LCP1: variants seen among roughly 807,000 people sequenced by gnomAD.
LCP1 encodes the protein lymphocyte cytosolic protein 1.
Under a neutral mutation model 72.0 loss-of-function variants are expected in LCP1, and 23 were observed. The observed-to-expected ratio is 0.32, with a 90% CI of 0.23 to 0.45. LCP1 has a LOEUF of 0.45. LCP1 is among the 20% of genes least tolerant of loss of function. LCP1 has a pLI of 1.00. For missense variants in LCP1, 571 were observed against 748.3 expected (o/e 0.76, Z 2.76); for synonymous variants, 245 against 275.4 (o/e 0.89, Z 1.09).
In LCP1 at chr13:46,148,255, G is replaced by A. The variant is rs13378812; in HGVS notation, c.978+97C>T. The A allele has an allele frequency of 2.8e-3, 2,316 of 823,106 alleles. 81 individuals carry two copies. In the South Asian group the frequency reaches 0.036, roughly 13 times the overall value. The allele number at this position is 823,106 out of a possible 1,614,324, so 51.0% of individuals were successfully genotyped here. A position where few individuals can be genotyped will look rare whatever the true frequency, so the allele number is the denominator to read the frequency against. ...ACAGGGCTTTAGGCAGAAATGCCCAGTCATGGAACTCCAGAATCAGGGCCA... is the reference window on the plus strand; with the variant it reads ...ACAGGGCTTTAGGCAGAAATGCCCAATCATGGAACTCCAGAATCAGGGCCA... On this transcript the variant is annotated intron_variant, in intron 9 of 15. Coordinates refer to ENST00000323076, the MANE Select transcript of LCP1 (RefSeq NM_002298.5).
chr13:46,143,145 T>C, intron 12 of LCP1, 145 bp downstream of exon 12: 1 of 590,124 alleles, frequency 1.7e-6, no homozygotes, highest in Non-Finnish European at 3.1e-6. Context: ...AATAAAGCTG[T>C]TCAGGTTTCT....
chr13:46,179,316 T>C lies in LCP1; in HGVS notation c.-25+2795A>G, dbSNP rs1367636272. The stretch of plus-strand genomic sequence containing the variant: ...TTCATAGCAATAAATGGAAACTCAG[T>C]AAATATTAAGTTAATAAGTACAATC... On this transcript the variant is annotated intron_variant, in intron 1 of 15. Transcript: ENST00000323076. 2.6e-5 allele frequency among the ~76,000 whole-genome samples: 4 copies of C among 152,278 alleles called. No individual in the cohort carries two copies. The East Asian group carries it at 7.7e-4, about 29-fold the overall frequency.
At chr13:46,158,416 A>G in intron 4 of LCP1, 106 bp downstream of exon 4, 1 of 1,318,264 alleles carries the variant, frequency 7.6e-7, no homozygotes, top group South Asian at 1.4e-5. Context: ...GGAGTCATCC[A>G]TAAAGCTGTG....
At chr13:46,137,026 A>T (rs953875733) in intron 13 of LCP1, among the ~76,000 whole-genome samples, 1 of 152,174 alleles carries the variant, frequency 6.6e-6, no homozygotes, top group South Asian at 2.1e-4. Flanking sequence ...AGAAGCTACT[A>T]AGGAACAGGG....
chr13:46,147,480 T>C (rs1275404799), intron 9 of LCP1, among the ~76,000 whole-genome samples: 2 of 152,230 alleles, frequency 1.3e-5, no homozygotes, highest in Non-Finnish European at 2.9e-5. Context: ...AGATTGTCTA[T>C]CAAAAATTTT....
chr13:46,159,670 T>C lies in LCP1; in HGVS notation c.-8A>G, dbSNP rs2045825803. The C allele has an allele frequency of 6.2e-7, 1 of 1,612,250 alleles. No homozygotes were observed. The highest frequency in any genetic ancestry group is 8.5e-7 in the Non-Finnish European group (1 of 1,178,438). ...CACTGATCCTCTGGCCATTTTTTAT[T>C]GCTTTAGGTAACAGATCTGGAGAGA... On this transcript the variant is annotated 5_prime_UTR_variant, in exon 2 of 16. Coordinates refer to ENST00000323076, the MANE Select transcript of LCP1 (RefSeq NM_002298.5).
intron 1 of LCP1, among the ~76,000 whole-genome samples, chr13:46,177,178 A>T (rs1479170570): frequency 1.3e-5 from 2 of 152,236 alleles, no homozygotes; most frequent in Admixed American, 1.3e-4. Flanking sequence ...TTCCACTAAC[A>T]TTTAAAGCAA....
chr13:46,156,236 G>C (rs2045800376), intron 5 of LCP1, among the ~76,000 whole-genome samples: 2 of 152,192 alleles, frequency 1.3e-5, no homozygotes, highest in Non-Finnish European at 2.9e-5. Flanking sequence ...CTCCACTCAA[G>C]CAATAGCAAT....
At chr13:46,168,973 ATG>A (rs982032723) in intron 1 of LCP1, among the ~76,000 whole-genome samples, 1 of 152,158 alleles carries the variant, frequency 6.6e-6, no homozygotes, top group African/African-American at 2.4e-5. Context: ...TCCTTATAGA[ATG>A]AATGTAGTAA....
chr13:46,150,133 T>C (rs1379724961), intron 8 of LCP1, among the ~76,000 whole-genome samples: 2 of 152,206 alleles, frequency 1.3e-5, no homozygotes, highest in Non-Finnish European at 2.9e-5. Context: ...CATGTGAACT[T>C]TCCTCTGACT....
At chr13:46,131,207 A>G (rs556121651) in intron 14 of LCP1, among the ~76,000 whole-genome samples, 14 of 152,366 alleles carry the variant, frequency 9.2e-5, no homozygotes, top group Non-Finnish European at 1.9e-4. Context: ...AGAAAGACGT[A>G]AAGTTAAAAT....
At chr13:46,136,117 A>G (rs1048007175) in intron 13 of LCP1, among the ~76,000 whole-genome samples, 9 of 149,514 alleles carry the variant, frequency 6.0e-5, no homozygotes, top group Admixed American at 1.3e-4. Context: ...ACACACAAAG[A>G]CCTATACACA....
chr13:46,159,511 T>C (rs1764744380), intron 2 of LCP1, 88 bp downstream of exon 2: 3 of 1,033,836 alleles, frequency 2.9e-6, no homozygotes, highest in Non-Finnish European at 4.5e-6. Context: ...CTCTGAAATT[T>C]TGCTCATGTT....
At chr13:46,152,259 T>C (rs2045773349) in intron 7 of LCP1, among the ~76,000 whole-genome samples, 2 of 152,180 alleles carry the variant, frequency 1.3e-5, no homozygotes, top group Non-Finnish European at 2.9e-5. Context: ...AAATTACCAG[T>C]ATACAGCACA....
chr13:46,162,257 C>T (rs1478698807), intron 1 of LCP1, among the ~76,000 whole-genome samples: 1 of 107,456 alleles, frequency 9.3e-6, no homozygotes, highest in African/African-American at 3.8e-5. Flanking sequence ...CTCCCTCCCC[C>T]TCCCCCTCCC....
intron 1 of LCP1, among the ~76,000 whole-genome samples, chr13:46,164,576 G>A (rs760552732): frequency 3.8e-4 from 58 of 152,174 alleles, no homozygotes; most frequent in Non-Finnish European, 6.8e-4. Context: ...TGATTTAACA[G>A]CAAATGCAAA....
chr13:46,135,101 T>C (rs2045656376), intron 13 of LCP1, among the ~76,000 whole-genome samples: 1 of 115,684 alleles, frequency 8.6e-6, no homozygotes, highest in African/African-American at 3.3e-5. Flanking sequence ...AGAGTGAGAC[T>C]CTGTCTCAAA....
intron 1 of LCP1, among the ~76,000 whole-genome samples, chr13:46,178,547 T>C (rs1253274660): frequency 6.6e-6 from 1 of 152,144 alleles, no homozygotes; most frequent in African/African-American, 2.4e-5. Flanking sequence ...CTGTAGAACA[T>C]TAACACTTTT....
chr13:46,134,545 T>C (rs1166883517), intron 13 of LCP1, among the ~76,000 whole-genome samples: 1 of 151,200 alleles, frequency 6.6e-6, no homozygotes, highest in East Asian at 1.9e-4. Context: ...GAAAGGAAAA[T>C]GAAGGAAAAG....
Sources: gnomAD v4.1 joint callset for allele counts (sites outside exome capture counted in the v4.1 genomes callset) on GRCh38, gnomAD v4.1.1 for gene constraint, MANE v1.5 for transcripts, NCBI Gene and HGNC (gene_info 2026-07-23, HGNC 2026-07-21) for gene names.